The following TMCC1 variants were observed in gnomAD, a reference collection of about 807,000 sequenced individuals.
The protein encoded by TMCC1 is transmembrane and coiled-coil domains protein 1.
Under a neutral mutation model 52.4 loss-of-function variants are expected in TMCC1, and 15 were observed. The ratio of observed to expected loss-of-function variants is 0.29; its 90% confidence interval spans 0.19 to 0.44. The LOEUF (loss-of-function observed/expected upper bound fraction) is 0.44, where lower values mean the gene tolerates loss of function less well. Ranked by LOEUF, TMCC1 falls within the 20% of genes least tolerant of loss-of-function variation. The pLI, the probability that TMCC1 is intolerant of heterozygous loss-of-function variation, is 1.00. For synonymous variants in TMCC1, 279 were observed against 301.9 expected, an observed-to-expected ratio of 0.92 and a Z score of 0.79; for missense variants, 503 against 806.0, an observed-to-expected ratio of 0.62 and a Z score of 4.55.
At chr3:129,771,679 G>T (rs1225975854) in intron 4 of TMCC1, among the ~76,000 whole-genome samples, 1 of 148,352 alleles carries the variant, frequency 6.7e-6, no homozygotes, top group Non-Finnish European at 1.5e-5. Flanking sequence ...AGAGGCTAAG[G>T]TGAGAGGATC....
chr3:129,765,168 T>C (rs1430440855), intron 4 of TMCC1, among the ~76,000 whole-genome samples: 1 of 150,740 alleles, frequency 6.6e-6, no homozygotes, highest in Non-Finnish European at 1.5e-5. Context: ...ACCTGCCCCA[T>C]ACTTAAAAAC....
chr3:129,651,924 A>G lies in TMCC1; in HGVS notation c.1648-129T>C. ...ATTTTATAAATATGCTGGAGCCTTG[A>G]ATGAATGTAAAAGGCTAGATGTATA... On this transcript the variant is annotated intron_variant, in intron 6 of 6. Transcript: ENST00000393238. The surrounding 1 kb of genome is among the most constrained non-coding windows in gnomAD (Gnocchi z 5.1). 1 of 1,036,802 alleles carries G rather than the reference A, an allele frequency of 9.6e-7. No individual in the cohort carries two copies. Among genetic ancestry groups the G allele is most frequent in the Non-Finnish European group, 1.4e-6 (1 of 735,102 alleles). 64.2% of individuals were successfully genotyped at this position (1,036,802 alleles called of 1,614,324 possible).
chr3:129,693,493 C>T (rs2047171566), intron 4 of TMCC1, among the ~76,000 whole-genome samples: 1 of 147,096 alleles, frequency 6.8e-6, no homozygotes. Flanking sequence ...CTTGCCTTCC[C>T]CAAGATTGAA....
chr3:129,785,976 C>T (rs2056000207), intron 4 of TMCC1, among the ~76,000 whole-genome samples: 1 of 149,252 alleles, frequency 6.7e-6, no homozygotes, highest in Non-Finnish European at 1.5e-5. Flanking sequence ...GCTTTGTCAC[C>T]CAGGATGGAG....
intron 2 of TMCC1, among the ~76,000 whole-genome samples, chr3:129,863,395 A>G (rs1386322620): frequency 6.6e-6 from 1 of 152,202 alleles, no homozygotes; most frequent in Non-Finnish European, 1.5e-5. Context: ...TTGCCTTGGT[A>G]CCTCAAAAAT....
intron 2 of TMCC1, among the ~76,000 whole-genome samples, chr3:129,875,490 C>CAAAAAAAAAAAA (rs370431347): frequency 5.8e-5 from 1 of 17,322 alleles, no homozygotes; most frequent in Non-Finnish European, 1.4e-4. Context: ...GACTCCATCT[C>CAAAAAAAAAAAA]AAAAAAAAAA....
intron 2 of TMCC1, among the ~76,000 whole-genome samples, chr3:129,877,812 T>A (rs2061290439): frequency 6.6e-6 from 1 of 151,988 alleles, no homozygotes; most frequent in African/African-American, 2.4e-5. Flanking sequence ...GTATTTTTAA[T>A]AGACATGCGG....
intron 4 of TMCC1, among the ~76,000 whole-genome samples, chr3:129,747,421 T>C (rs1437507602): frequency 6.6e-6 from 1 of 152,204 alleles, no homozygotes; most frequent in Non-Finnish European, 1.5e-5. Context: ...TTATATACCT[T>C]CATTTTAAGC....
chr3:129,826,809 A>C (rs2058681967), intron 4 of TMCC1, among the ~76,000 whole-genome samples: 1 of 152,172 alleles, frequency 6.6e-6, no homozygotes, highest in South Asian at 2.1e-4. Context: ...CTGTACCGCA[A>C]GCAGACACAG....
At chr3:129,672,516 C>T (rs2088041154) in intron 4 of TMCC1, among the ~76,000 whole-genome samples, 1 of 152,070 alleles carries the variant, frequency 6.6e-6, no homozygotes, top group Non-Finnish European at 1.5e-5. Context: ...GGGAGGATCA[C>T]TTGAGCCCAG....
At chr3:129,769,687 T>C (rs2054398188) in intron 4 of TMCC1, among the ~76,000 whole-genome samples, 1 of 151,800 alleles carries the variant, frequency 6.6e-6, no homozygotes, top group African/African-American at 2.4e-5. Flanking sequence ...AAATCCACAT[T>C]AGACCCCATC....
intron 4 of TMCC1, among the ~76,000 whole-genome samples, chr3:129,759,651 C>A (rs1170330128): frequency 6.6e-6 from 1 of 150,660 alleles, no homozygotes; most frequent in Admixed American, 6.6e-5. Context: ...AAGTGATCCT[C>A]CTGCCTCAGC....
At chr3:129,659,917 A>G (rs2086911578) in intron 5 of TMCC1, among the ~76,000 whole-genome samples, 3 of 152,198 alleles carry the variant, frequency 2.0e-5, no homozygotes. Context: ...CCAAAGGGCA[A>G]TTGCAAAGAT....
intron 4 of TMCC1, among the ~76,000 whole-genome samples, chr3:129,750,997 C>T (rs1353719922): frequency 6.6e-6 from 1 of 152,104 alleles, no homozygotes; most frequent in East Asian, 2.0e-4. Flanking sequence ...CCCAAGAGTT[C>T]GAGACCAGTG....
intron 4 of TMCC1, among the ~76,000 whole-genome samples, chr3:129,720,615 C>T (rs1479936381): frequency 6.6e-6 from 1 of 152,162 alleles, no homozygotes; most frequent in Non-Finnish European, 1.5e-5. Context: ...GAGGCAAGAC[C>T]AGCCTAAGAA....
intron 5 of TMCC1, among the ~76,000 whole-genome samples, chr3:129,669,504 G>A (rs1181677024): frequency 3.4e-5 from 5 of 148,764 alleles, no homozygotes; most frequent in African/African-American, 1.2e-4. Flanking sequence ...GTGAGATCTC[G>A]GCTCACCGCA....
At chr3:129,697,784 A>G (rs1439065716) in intron 4 of TMCC1, among the ~76,000 whole-genome samples, 1 of 152,202 alleles carries the variant, frequency 6.6e-6, no homozygotes, top group African/African-American at 2.4e-5. Flanking sequence ...TTGCTAACAC[A>G]TAACAAGAGT....
chr3:129,653,467 G>A (rs1005932977), intron 6 of TMCC1, among the ~76,000 whole-genome samples: 6 of 152,096 alleles, frequency 3.9e-5, no homozygotes, highest in Non-Finnish European at 8.8e-5. Flanking sequence ...TTTTTGAGAC[G>A]GAGTCTCGCT....
At chr3:129,794,738 G>T (rs2056705670) in intron 4 of TMCC1, among the ~76,000 whole-genome samples, 1 of 152,070 alleles carries the variant, frequency 6.6e-6, no homozygotes, top group Non-Finnish European at 1.5e-5. Flanking sequence ...CTGATGTTCC[G>T]GTCTCTGTGG....
Sources: gnomAD v4.1 joint callset for allele counts (sites outside exome capture counted in the v4.1 genomes callset) on GRCh38, gnomAD v4.1.1 for gene constraint, Gnocchi (gnomAD v3.1) non-coding constraint, MANE v1.5 for transcripts, NCBI Gene and HGNC (gene_info 2026-07-23, HGNC 2026-07-21) for gene names.